The following SAXO4 variants were observed in gnomAD, a reference collection of about 807,000 sequenced individuals.
SAXO4 encodes protein phosphatase 1 regulatory subunit 32.
chr11:61,485,486 TAGG>T, the SAXO4 span: 1 of 1,267,776 alleles, frequency 7.9e-7, no homozygotes. Flanking sequence ...GGAGCTGGCC[TAGG>T]ACTGAGAAGG....
chr11:61,487,584 A>G, the SAXO4 span, among the ~76,000 whole-genome samples: 1 of 152,202 alleles, frequency 6.6e-6, no homozygotes, highest in Non-Finnish European at 1.5e-5. Flanking sequence ...CCCCACATCC[A>G]TCGGTCATTG....
At chr11:61,489,597 A>G in the SAXO4 span, 1 of 633,842 alleles carries the variant, frequency 1.6e-6, no homozygotes, top group Non-Finnish European at 2.8e-6. Flanking sequence ...CGTCAGGTGG[A>G]GGGGAGGGCA....
the SAXO4 span, chr11:61,485,975 T>C: frequency 1.7e-6 from 2 of 1,166,454 alleles, no homozygotes; most frequent in Non-Finnish European, 1.3e-6. Context: ...TCAGGGTTTC[T>C]AGCTTTCCTA....
chr11:61,488,378 C>A, the SAXO4 span, among the ~76,000 whole-genome samples: 1 of 148,588 alleles, frequency 6.7e-6, no homozygotes, highest in South Asian at 2.1e-4. Flanking sequence ...GATCTCGGCT[C>A]ACTGCAAACC....
the SAXO4 span, chr11:61,484,811 C>A: frequency 6.3e-7 from 1 of 1,588,420 alleles, no homozygotes; most frequent in Non-Finnish European, 8.6e-7. Context: ...GGAGAACTTC[C>A]GACATGTGAG....
At chr11:61,482,616 G>C in the SAXO4 span, 1 of 1,613,540 alleles carries the variant, frequency 6.2e-7, no homozygotes, top group South Asian at 1.1e-5. Flanking sequence ...AGAGGACAGA[G>C]GCAGGCGGCC....
At chr11:61,482,789 C>CG in the SAXO4 span, 3 of 1,609,870 alleles carry the variant, frequency 1.9e-6, no homozygotes, top group Non-Finnish European at 2.5e-6. Context: ...AAGCCCAGTG[C>CG]GGGTCCCCCC....
chr11:61,489,407 G>A, the SAXO4 span: 4 of 500,642 alleles, frequency 8.0e-6, no homozygotes, highest in Admixed American at 3.7e-5. Flanking sequence ...CTTCTTACTT[G>A]TCTTTGCACC....
At chr11:61,482,432 C>T in the SAXO4 span, 20 of 1,610,198 alleles carry the variant, frequency 1.2e-5, no homozygotes, top group East Asian at 1.1e-4. Flanking sequence ...CCAGGGGGTA[C>T]GGTCTGTATG....
chr11:61,490,559 G>T, the SAXO4 span: 1 of 1,613,928 alleles, frequency 6.2e-7, no homozygotes, highest in Non-Finnish European at 8.5e-7. Flanking sequence ...CCGCTGCGTG[G>T]CACACAGCTG....
chr11:61,486,866 G>C, the SAXO4 span: 3 of 1,175,234 alleles, frequency 2.6e-6, no homozygotes, highest in African/African-American at 4.5e-5. Flanking sequence ...AGCTGTGTGT[G>C]CCTCTGCCTG....
the SAXO4 span, chr11:61,490,726 C>T: frequency 1.4e-6 from 1 of 691,732 alleles, no homozygotes; most frequent in Non-Finnish European, 2.5e-6. Context: ...GATCAGGGGG[C>T]CTCTCAGAAC....
the SAXO4 span, chr11:61,484,915 G>T: frequency 7.0e-7 from 1 of 1,419,922 alleles, no homozygotes; most frequent in Non-Finnish European, 9.4e-7. Flanking sequence ...ACTCACCCAA[G>T]AAGCCAGCTC....
chr11:61,487,323 G>C, the SAXO4 span: 10 of 1,194,074 alleles, frequency 8.4e-6, no homozygotes, highest in Non-Finnish European at 1.2e-5. Context: ...TCACAGCCTC[G>C]TGGAGAAGAT....
chr11:61,482,771 G>A, the SAXO4 span: 9 of 1,613,124 alleles, frequency 5.6e-6, no homozygotes, highest in Non-Finnish European at 7.6e-6. Context: ...TCAGGCTATG[G>A]GCGGGAGAAG....
At chr11:61,489,564 T>C in the SAXO4 span, 1 of 605,536 alleles carries the variant, frequency 1.7e-6, no homozygotes, top group African/African-American at 1.8e-5. Flanking sequence ...AACTGTCCTT[T>C]AACACTCCAA....
At chr11:61,488,948 G>C in the SAXO4 span, 1 of 152,398 alleles carries the variant, frequency 6.6e-6, no homozygotes, top group Non-Finnish European at 1.5e-5. Context: ...ATTTGAAATC[G>C]GTGGCCTTGA....
chr11:61,489,878 G>C, the SAXO4 span: 2 of 1,613,916 alleles, frequency 1.2e-6, no homozygotes, highest in Non-Finnish European at 1.7e-6. Flanking sequence ...TCAGCCAGCC[G>C]GTCAGCTGCA....
chr11:61,489,696 A>G, the SAXO4 span: 1 of 1,432,056 alleles, frequency 7.0e-7, no homozygotes, highest in East Asian at 2.3e-5. Flanking sequence ...AGGCTGGGCG[A>G]TCTGAGGGTC....
Sources: allele counts gnomAD v4.1 joint callset (sites outside exome capture counted in the v4.1 genomes callset), GRCh38; gene constraint gnomAD v4.1.1; transcripts MANE v1.5; gene names NCBI Gene and HGNC (gene_info 2026-07-23, HGNC 2026-07-21).